The following NEBL variants were observed in gnomAD, a reference collection of about 807,000 sequenced individuals.
NEBL encodes LIM and SH3 protein 2.
Under a neutral mutation model 140.2 loss-of-function variants are expected in NEBL, and 122 were observed. That is an observed-to-expected ratio of 0.87 (90% CI 0.75 to 1.01). The LOEUF (loss-of-function observed/expected upper bound fraction) is 1.01. Among genes scored for constraint, NEBL ranks in the 50% least tolerant of loss-of-function variants. The pLI, the probability that NEBL is intolerant of heterozygous loss-of-function variation, is 0.00. For missense variants in NEBL, 1,365 were observed against 1,231.3 expected, an observed-to-expected ratio of 1.11 and a Z score of -1.62; for synonymous variants, 436 against 398.9, an observed-to-expected ratio of 1.09 and a Z score of -1.11.
chr10:20,861,712 C>A (rs1843716027), intron 7 of NEBL, among the ~76,000 whole-genome samples: 1 of 152,184 alleles, frequency 6.6e-6, no homozygotes, highest in South Asian at 2.1e-4. Flanking sequence ...GCCCATCATA[C>A]TGTTTTTGCA....
At chr10:21,280,053 A>T (rs903102218) in intron 1 of NEBL, among the ~76,000 whole-genome samples, 17 of 151,852 alleles carry the variant, frequency 1.1e-4, no homozygotes, top group African/African-American at 2.2e-4. Flanking sequence ...TAAAGACCCT[A>T]AAAAAAAGCC....
chr10:21,104,879 T>C (rs189104547), intron 2 of NEBL, among the ~76,000 whole-genome samples: 171 of 152,326 alleles, frequency 1.1e-3, no homozygotes, highest in Admixed American at 1.3e-3. Flanking sequence ...ATGCCCGATA[T>C]CAGGATGAAG....
At chr10:20,865,859 GT>G (rs1052883484) in intron 7 of NEBL, among the ~76,000 whole-genome samples, 1 of 152,146 alleles carries the variant, frequency 6.6e-6, no homozygotes, top group African/African-American at 2.4e-5. Context: ...CCAGGGAGCA[GT>G]TGTGTCCACT....
chr10:21,092,659 T>C lies in NEBL; in HGVS notation c.165-72458A>G, dbSNP rs564794042. Reference sequence around the variant, plus strand: ...CACCACCAGAGTAGCACCTGCCAGTTCCTTTAGTAGCCAACAGGCCTTACT... The same window carrying C: ...CACCACCAGAGTAGCACCTGCCAGTCCCTTTAGTAGCCAACAGGCCTTACT... On this transcript the variant is annotated intron_variant, in intron 2 of 6. Transcript: ENST00000417816. Among the ~76,000 whole-genome samples, 3 of 151,236 alleles carry C rather than the reference T, an allele frequency of 2.0e-5. No individual in the cohort carries two copies. In the South Asian group the frequency reaches 6.3e-4, roughly 32 times the overall value.
rs181494308 is a variant in NEBL at position 20,830,673 on chromosome 10, G to A, written c.1671+523C>T. Among the ~76,000 whole-genome samples, 151 of 150,662 alleles carry A rather than the reference G, an allele frequency of 1.0e-3. 1 individual carries two copies. Among genetic ancestry groups the A allele is most frequent in the Non-Finnish European group, 1.5e-3 (100 of 67,780 alleles). On this transcript the variant is annotated intron_variant, in intron 16 of 27. Transcript: ENST00000377122. Reference sequence around the variant, plus strand: ...TTATGAAATGGTTAAAAGACAAAACGTTTGTAATTTATTTTTCTGTAGTAT... The same window carrying A: ...TTATGAAATGGTTAAAAGACAAAACATTTGTAATTTATTTTTCTGTAGTAT...
chr10:20,870,074 C>T (rs1372812027), intron 5 of NEBL, among the ~76,000 whole-genome samples: 1 of 151,944 alleles, frequency 6.6e-6, no homozygotes, highest in Non-Finnish European at 1.5e-5. Flanking sequence ...CGTCTGTAAT[C>T]CCAGAACTTT....
At chr10:21,042,381 C>A (rs1308412315) in intron 2 of NEBL, among the ~76,000 whole-genome samples, 2 of 152,152 alleles carry the variant, frequency 1.3e-5, no homozygotes, top group African/African-American at 4.8e-5. Context: ...GCTGACTGTG[C>A]ACTTTTTGAG....
chr10:20,896,538 A>G (rs1564429853), intron 2 of NEBL, among the ~76,000 whole-genome samples: 1 of 126,476 alleles, frequency 7.9e-6, no homozygotes, highest in Non-Finnish European at 1.6e-5. Context: ...GTTCTGGAAG[A>G]CAAGTCCATT....
intron 2 of NEBL, among the ~76,000 whole-genome samples, chr10:21,135,307 G>A (rs1839301213): frequency 6.6e-6 from 1 of 152,220 alleles, no homozygotes; most frequent in African/African-American, 2.4e-5. Flanking sequence ...AATGCTGACA[G>A]GACAGCCCGT....
chr10:21,173,481 G>A lies in NEBL; in HGVS notation c.69+284C>T, dbSNP rs987583844. 6.6e-6 allele frequency among the ~76,000 whole-genome samples: 1 copy of A among 152,008 alleles called. No individual in the cohort carries two copies. Among genetic ancestry groups the A allele is most frequent in the African/African-American group, 2.4e-5 (1 of 41,446 alleles). On this transcript the variant is annotated intron_variant, in intron 1 of 6. Coordinates refer to the NEBL transcript ENST00000417816. The surrounding 1 kb of genome is among the most constrained non-coding windows in gnomAD (Gnocchi z 5.7). ...TGGGTGCCCAGCCTGGTCCCTCCGG[G>A]GTCCGGGGCTGCGCACCGCCGTGCG...
intron 3 of NEBL, among the ~76,000 whole-genome samples, chr10:21,224,976 A>G (rs1196225937): frequency 6.6e-6 from 1 of 151,880 alleles, no homozygotes; most frequent in Non-Finnish European, 1.5e-5. Context: ...TTCCTTTCCA[A>G]TTTTGCTGCC....
chr10:20,973,895 G>A, intron 3 of NEBL, among the ~76,000 whole-genome samples: 1 of 152,192 alleles, frequency 6.6e-6, no homozygotes, highest in East Asian at 1.9e-4. Context: ...GCCAAAAAGA[G>A]TCCTGGTCTG....
At chr10:20,907,765 G>A (rs1848157480) in intron 4 of NEBL, among the ~76,000 whole-genome samples, 1 of 152,094 alleles carries the variant, frequency 6.6e-6, no homozygotes, top group East Asian at 1.9e-4. Flanking sequence ...CATCAGTGAG[G>A]AAAAACACAG....
intron 2 of NEBL, among the ~76,000 whole-genome samples, chr10:21,145,136 T>C (rs953471302): frequency 6.6e-5 from 10 of 152,150 alleles, no homozygotes; most frequent in African/African-American, 2.4e-4. Context: ...ATTGGAAAGA[T>C]TAGATTCACA....
chr10:21,227,719 T>TC (rs1564546034), intron 3 of NEBL, among the ~76,000 whole-genome samples: 10 of 91,248 alleles, frequency 1.1e-4, no homozygotes, highest in African/African-American at 4.4e-4. Flanking sequence ...TCTTTCTTCT[T>TC]CTTCTTCTTC....
intron 4 of NEBL, among the ~76,000 whole-genome samples, chr10:20,929,899 TG>T (rs1170468623): frequency 2.0e-5 from 3 of 152,168 alleles, no homozygotes; most frequent in African/African-American, 7.2e-5. Flanking sequence ...AAACTGCACC[TG>T]TACCTTCTAA....
Position 20,837,969 on chromosome 10 carries a change from T to A in NEBL, c.1339-2346A>T, listed in dbSNP as rs1050818146. ...AAGAAAGACTCCTTGAAAATATTAA[T>A]GTTCAGTTACAATGCACCTGGTCAC... is the stretch of plus-strand genomic sequence containing the variant. On this transcript the variant is annotated intron_variant, in intron 13 of 27. Coordinates refer to ENST00000377122, the MANE Select transcript of NEBL (RefSeq NM_006393.3). 2.0e-5 allele frequency among the ~76,000 whole-genome samples: 3 copies of A among 152,206 alleles called. No individual in the cohort carries two copies. The East Asian group carries it at 5.8e-4, about 29-fold the overall frequency.
At chr10:20,866,551 T>C (rs563281460) in intron 7 of NEBL, among the ~76,000 whole-genome samples, 98 of 152,328 alleles carry the variant, frequency 6.4e-4, no homozygotes, top group African/African-American at 2.2e-3. Context: ...TGCACAACTA[T>C]ATCCTCTTGC....
intron 4 of NEBL, among the ~76,000 whole-genome samples, chr10:20,951,267 C>G (rs1290376991): frequency 6.6e-6 from 1 of 151,246 alleles, no homozygotes; most frequent in East Asian, 1.9e-4. Flanking sequence ...GTCCTTCAGA[C>G]AGAAATTTAG....
Sources: allele counts gnomAD v4.1 joint callset (sites outside exome capture counted in the v4.1 genomes callset), GRCh38; gene constraint gnomAD v4.1.1; non-coding constraint Gnocchi (gnomAD v3.1); transcripts MANE v1.5; gene names NCBI Gene and HGNC (gene_info 2026-07-23, HGNC 2026-07-21).